The following CAMSAP2 variants were observed in gnomAD, a reference collection of about 807,000 sequenced individuals.
CAMSAP2 encodes the protein calmodulin-regulated spectrin-associated protein 2.
CAMSAP2 carries 26 observed loss-of-function variants against 146.1 expected under a neutral mutation model. The observed-to-expected ratio is 0.18, with a 90% confidence interval of 0.13 to 0.25. CAMSAP2 has a LOEUF of 0.25. CAMSAP2 is among the 10% of genes least tolerant of loss of function. The pLI, the probability that CAMSAP2 is intolerant of heterozygous loss-of-function variation, is 1.00. For synonymous variants in CAMSAP2, 499 were observed against 596.6 expected (o/e 0.84, Z 2.38); for missense variants, 1,381 against 1,759.3 (o/e 0.78, Z 3.85).
rs746123149 is a variant in CAMSAP2 at position 200,849,756 on chromosome 1, G to A, written c.2987G>A (p.Arg996Gln). The change falls in exon 11 of 17, where the codon CGG becomes CAG. Residue 996 changes from arginine (R) to glutamine (Q), a missense_variant. Coordinates refer to ENST00000358823, the MANE Select transcript of CAMSAP2 (RefSeq NM_203459.4). This position sits in a 1 kb window ranked among gnomAD's most constrained non-coding sequence, Gnocchi z 6.3. Reference sequence around the variant, plus strand: ...TTGAATCGAACCTTGACACCTCCTCGGTCTGTGGATAGCCTTCCTCGGTTA... The same window carrying A: ...TTGAATCGAACCTTGACACCTCCTCAGTCTGTGGATAGCCTTCCTCGGTTA... The part of the protein sequence containing the change: ...TPLNRTLTPP[R>Q]SVDSLPRLRR... 7 of 1,613,924 alleles carry A rather than the reference G, an allele frequency of 4.3e-6. No homozygotes were observed. The highest frequency in any genetic ancestry group is 1.1e-5 in the South Asian group (1 of 91,064).
chr1:200,790,804 A>G (rs913653764), intron 2 of CAMSAP2, among the ~76,000 whole-genome samples: 5 of 152,072 alleles, frequency 3.3e-5, no homozygotes, highest in African/African-American at 1.2e-4. Context: ...TGCTAGTGAC[A>G]TCTTTAGATC....
intron 1 of CAMSAP2, among the ~76,000 whole-genome samples, chr1:200,742,974 C>A (rs1207411317): frequency 6.6e-6 from 1 of 151,984 alleles, no homozygotes; most frequent in Admixed American, 6.6e-5. Flanking sequence ...ACAAATAGCC[C>A]AAATTTTAAT....
At chr1:200,821,230 T>C (rs1666754551) in intron 4 of CAMSAP2, among the ~76,000 whole-genome samples, 1 of 151,898 alleles carries the variant, frequency 6.6e-6, no homozygotes, top group South Asian at 2.1e-4. Flanking sequence ...TTGCCCAGGC[T>C]GGAATGAAGT....
chr1:200,789,912 A>T (rs1665701479), intron 2 of CAMSAP2, among the ~76,000 whole-genome samples: 1 of 152,194 alleles, frequency 6.6e-6, no homozygotes, highest in South Asian at 2.1e-4. Flanking sequence ...GGTGCTAATG[A>T]AAATGGTATT....
intron 4 of CAMSAP2, among the ~76,000 whole-genome samples, chr1:200,817,164 ACG>A: frequency 1.3e-5 from 1 of 79,788 alleles, no homozygotes; most frequent in Admixed American, 1.3e-4. Flanking sequence ...ACATACACAC[ACG>A]TGTGTGTATA....
At chr1:200,784,593 C>CA (rs1222596374) in intron 2 of CAMSAP2, among the ~76,000 whole-genome samples, 2 of 152,102 alleles carry the variant, frequency 1.3e-5, no homozygotes, top group Non-Finnish European at 2.9e-5. Flanking sequence ...GAATTTTGAA[C>CA]ATTTTTTTTA....
chr1:200,856,120 A>G lies in CAMSAP2; in HGVS notation c.4007A>G (p.Tyr1336Cys), dbSNP rs758931526. Residue 1336 changes from tyrosine (Y) to cysteine (C), a missense_variant, in exon 15 of 17, where the codon TAT becomes TGT. Tyr to Cys is a radical substitution (Grantham distance 194). Transcript: ENST00000358823. Reference sequence around the variant, plus strand: ...TCTTCAGTGGCTTCTGGAACAGAATATACAGGTTAGTGTCTATACATTTTT... The same window carrying G: ...TCTTCAGTGGCTTCTGGAACAGAATGTACAGGTTAGTGTCTATACATTTTT... ...TTSSVASGTE[Y>C]TGPKLYKEPS... is the part of the protein sequence containing the mutation. 1 of 1,598,036 alleles carries G rather than the reference A, an allele frequency of 6.3e-7. No individual in the cohort carries two copies. Among genetic ancestry groups the G allele is most frequent in the East Asian group, 2.2e-5 (1 of 44,810 alleles).
intron 2 of CAMSAP2, among the ~76,000 whole-genome samples, chr1:200,762,951 G>GCA (rs1664841349): frequency 6.6e-6 from 1 of 151,848 alleles, no homozygotes; most frequent in Non-Finnish European, 1.5e-5. Context: ...CCAGGCTGGA[G>GCA]TGCAGTGGTG....
rs774768517 is a variant in CAMSAP2 at position 200,807,379 on chromosome 1, G to A, written c.403G>A (p.Ala135Thr). Reference sequence around the variant, plus strand: ...TGTTCTTGTTTTATATTTTCAGAGTGCACATTTGGCCATGATCGATACCCT... The same window carrying A: ...TGTTCTTGTTTTATATTTTCAGAGTACACATTTGGCCATGATCGATACCCT... Reference protein sequence around the residue: ...DLHKKPIQMSAHLAMIDTLMM... With the variant: ...DLHKKPIQMSTHLAMIDTLMM... Residue 135 changes from alanine (A) to threonine (T), a missense_variant, in exon 3 of 17, where the codon GCA becomes ACA. By Grantham distance (58) the Ala-to-Thr change is moderately conservative. Around this residue, in one of 4 missense-constraint regions of CAMSAP2, gnomAD observed 284 missense variants for 406.9 expected, o/e 0.70. Transcript: ENST00000358823. The A allele has an allele frequency of 1.3e-6, 2 of 1,509,234 alleles. No homozygotes were observed. The highest frequency in any genetic ancestry group is 8.9e-7 in the Non-Finnish European group (1 of 1,125,124). The allele number at this position is 1,509,234 out of a possible 1,614,324, so 93.5% of individuals were successfully genotyped here.
intron 2 of CAMSAP2, among the ~76,000 whole-genome samples, chr1:200,771,903 T>A (rs1490236232): frequency 6.6e-6 from 1 of 152,204 alleles, no homozygotes; most frequent in African/African-American, 2.4e-5. Flanking sequence ...GTGAACTACT[T>A]TAGTGTTCCC....
chr1:200,827,404 C>T (rs893169445), intron 4 of CAMSAP2, among the ~76,000 whole-genome samples: 6 of 152,134 alleles, frequency 3.9e-5, no homozygotes, highest in African/African-American at 1.4e-4. Flanking sequence ...TTTAAAATTT[C>T]TGTTACAAAT....
At position 200,832,638 on chromosome 1, in the gene CAMSAP2, A is replaced by C; in HGVS notation, c.788-68A>C. Reference sequence around the variant, plus strand: ...GAATTGTGTATTTGTACTAATTACAAGATGGATATGAAATATTTATTATCA... The same window carrying C: ...GAATTGTGTATTTGTACTAATTACACGATGGATATGAAATATTTATTATCA... On this transcript the variant is annotated intron_variant, in intron 5 of 16. Coordinates refer to ENST00000358823, the MANE Select transcript of CAMSAP2 (RefSeq NM_203459.4). The surrounding 1 kb of genome is among the most constrained non-coding windows in gnomAD (Gnocchi z 4.2). 7.7e-7 allele frequency: 1 copy of C among 1,300,640 alleles called. No individual in the cohort carries two copies. The highest frequency in any genetic ancestry group is 1.1e-6 in the Non-Finnish European group (1 of 949,566). 80.6% of individuals were successfully genotyped at this position (1,300,640 alleles called of 1,614,324 possible).
At chr1:200,768,008 T>G (rs1178149186) in intron 2 of CAMSAP2, among the ~76,000 whole-genome samples, 1 of 152,252 alleles carries the variant, frequency 6.6e-6, no homozygotes, top group African/African-American at 2.4e-5. Flanking sequence ...CTAGGTGATC[T>G]CACAAAGACT....
At chr1:200,827,467 T>C (rs533132890) in intron 4 of CAMSAP2, among the ~76,000 whole-genome samples, 8 of 152,334 alleles carry the variant, frequency 5.3e-5, no homozygotes, top group African/African-American at 1.9e-4. Flanking sequence ...CCTGCTCTTG[T>C]ACTTTTTGTG....
At chr1:200,812,237 G>T (rs184553061) in intron 3 of CAMSAP2, among the ~76,000 whole-genome samples, 1 of 151,954 alleles carries the variant, frequency 6.6e-6, no homozygotes, top group Non-Finnish European at 1.5e-5. Context: ...TTCAGTTTTA[G>T]TATCTAGACC....
At chr1:200,816,864 ATGTGTG>A (rs1174690134) in intron 4 of CAMSAP2, among the ~76,000 whole-genome samples, 2 of 76,892 alleles carry the variant, frequency 2.6e-5, no homozygotes, top group African/African-American at 5.1e-5. Context: ...ACGCGTGTGT[ATGTGTG>A]TACACACACA....
At chr1:200,741,146 C>T (rs941216769) in intron 1 of CAMSAP2, among the ~76,000 whole-genome samples, 1 of 152,260 alleles carries the variant, frequency 6.6e-6, no homozygotes, top group African/African-American at 2.4e-5. Context: ...GCAGATTAAT[C>T]TCAGTGTTTG....
At chr1:200,806,083 AAACACTGAGATT>A (rs1666163236) in intron 2 of CAMSAP2, among the ~76,000 whole-genome samples, 1 of 152,226 alleles carries the variant, frequency 6.6e-6, no homozygotes, top group Admixed American at 6.5e-5. Flanking sequence ...CCATAAAGGA[AAACACTGAGATT>A]AACAGATTTT....
chr1:200,832,920 G>C lies in CAMSAP2; in HGVS notation c.927+75G>C. 11 of 1,303,822 alleles carry C rather than the reference G, an allele frequency of 8.4e-6. No homozygotes were observed. The highest frequency in any genetic ancestry group is 1.1e-5 in the Non-Finnish European group (11 of 961,492). 80.8% of individuals were successfully genotyped at this position (1,303,822 alleles called of 1,614,324 possible). On this transcript the variant is annotated intron_variant, in intron 6 of 16. Coordinates refer to ENST00000358823, the MANE Select transcript of CAMSAP2 (RefSeq NM_203459.4). The surrounding 1 kb of genome is among the most constrained non-coding windows in gnomAD (Gnocchi z 4.2). The stretch of plus-strand genomic sequence containing the variant: ...TTTAAAAAACAAACAAAAACACCGG[G>C]AACAGTGGCTCATGCCTGTAATCCC...
Sources: gnomAD v4.1 joint callset for allele counts (sites outside exome capture counted in the v4.1 genomes callset) on GRCh38, gnomAD v4.1.1 for gene constraint, gnomAD v4.1.1 regional missense constraint, Gnocchi (gnomAD v3.1) non-coding constraint, MANE v1.5 for transcripts, NCBI Gene and HGNC (gene_info 2026-07-23, HGNC 2026-07-21) for gene names.